Variants in CASQ1 observed in about 807,000 individuals in gnomAD.
The protein encoded by CASQ1 is calsequestrin-1.
In CASQ1, 40 loss-of-function variants were observed where a neutral mutation model predicts 49.5. The observed-to-expected ratio is 0.81, with a 90% confidence interval of 0.63 to 1.05. The LOEUF (loss-of-function observed/expected upper bound fraction) is 1.05. CASQ1 is among the 50% of genes least tolerant of loss of function. The probability of loss-of-function intolerance (pLI) is 0.00; values close to 1 mark genes in which losing one functional copy is unlikely to be tolerated. For missense variants in CASQ1, 469 were observed against 486.9 expected, an observed-to-expected ratio of 0.96 and a Z score of 0.35; for synonymous variants, 174 against 187.2, an observed-to-expected ratio of 0.93 and a Z score of 0.58.
chr1:160,199,141 C>T, intron 9 of CASQ1, 88 bp downstream of exon 9: 1 of 873,088 alleles, frequency 1.1e-6, no homozygotes, highest in Non-Finnish European at 2.0e-6. Context: ...TCAGAGGTCC[C>T]ATCCCCACCT....
intron 3 of CASQ1, among the ~76,000 whole-genome samples, chr1:160,194,129 C>T (rs1654146560): frequency 6.6e-6 from 1 of 150,960 alleles, no homozygotes; most frequent in South Asian, 2.1e-4. Flanking sequence ...ACACACACTA[C>T]ACACACCACA....
intron 1 of CASQ1, 99 bp downstream of exon 1, chr1:160,191,129 G>C: frequency 7.7e-7 from 1 of 1,291,526 alleles, no homozygotes; most frequent in Non-Finnish European, 1.1e-6. Flanking sequence ...GGATCTGGGG[G>C]TGAGGGGCAG....
chr1:160,200,373 A>C (rs1654340515), intron 10 of CASQ1, among the ~76,000 whole-genome samples: 1 of 152,198 alleles, frequency 6.6e-6, no homozygotes, highest in South Asian at 2.1e-4. Context: ...CTCTGCTTTC[A>C]TAGAATTCTC....
intron 4 of CASQ1, 66 bp downstream of exon 4, chr1:160,195,189 C>A: frequency 1.0e-6 from 1 of 982,558 alleles, no homozygotes; most frequent in Non-Finnish European, 1.6e-6. Flanking sequence ...CTCCCACCTC[C>A]CCACATCACC....
chr1:160,193,785 G>A lies in CASQ1; in HGVS notation c.403G>A (p.Asp135Asn), dbSNP rs765323283. 6.2e-7 allele frequency: 1 copy of A among 1,612,922 alleles called. No homozygotes were observed. The highest frequency in any genetic ancestry group is 8.5e-7 in the Non-Finnish European group (1 of 1,179,220). The change falls in exon 3 of 11, where the codon GAT becomes AAT. Residue 135 changes from aspartate to asparagine, a missense_variant. Transcript: ENST00000368078. Reference sequence around the variant, plus strand: ...GGACAGCATGTATGTATTCAAGGGAGATGAAGTCATTGAGTACGATGGCGA... The same window carrying A: ...GGACAGCATGTATGTATTCAAGGGAAATGAAGTCATTGAGTACGATGGCGA... Reference protein sequence around the residue: ...EVDSMYVFKGDEVIEYDGEFS... With the variant: ...EVDSMYVFKGNEVIEYDGEFS...
chr1:160,193,714 C>A, intron 2 of CASQ1, 33 bp from the exon 3 acceptor site: 1 of 1,229,566 alleles, frequency 8.1e-7, no homozygotes, highest in Non-Finnish European at 1.2e-6. Flanking sequence ...TCATGGCTCA[C>A]TACCCCACCC....
At position 160,197,615 on chromosome 1, in the gene CASQ1, G is replaced by A. The variant is rs761837270; in HGVS notation, c.828+1G>A. The stretch of plus-strand genomic sequence containing the variant: ...GCCGGAGAGTATGTATGAGACCTGG[G>A]TGAGTGCCCCTGGCCAGGGTCAAGC... On this transcript the variant is annotated splice_donor_variant, in intron 7 of 10. Coordinates refer to ENST00000368078, the MANE Select transcript of CASQ1 (RefSeq NM_001231.5). LOFTEE classifies it high-confidence loss of function. The A allele has an allele frequency of 1.7e-5, 28 of 1,607,216 alleles. No individual in the cohort carries two copies. The highest frequency in any genetic ancestry group is 1.6e-4 in the Middle Eastern group (1 of 6,078).
At chr1:160,197,902 C>T (rs1256449363) in intron 7 of CASQ1, among the ~76,000 whole-genome samples, 1 of 152,086 alleles carries the variant, frequency 6.6e-6, no homozygotes, top group African/African-American at 2.4e-5. Context: ...GCCTGTAGTC[C>T]CAGCTACTTG....
chr1:160,193,730 C>T lies in CASQ1; in HGVS notation c.365-17C>T. On this transcript the variant is annotated splice_polypyrimidine_tract_variant and intron_variant, in intron 2 of 10. Transcript: ENST00000368078. ...CATGGCTCACTACCCCACCCCTGCGCCCGGCTCACTCCCTAGGCCTAACTG... is the reference window on the plus strand; with the variant it reads ...CATGGCTCACTACCCCACCCCTGCGTCCGGCTCACTCCCTAGGCCTAACTG... 6.8e-7 allele frequency: 1 copy of T among 1,468,136 alleles called. No homozygotes were observed. Among genetic ancestry groups the T allele is most frequent in the East Asian group, 2.3e-5 (1 of 42,700 alleles). 90.9% of individuals were successfully genotyped at this position (1,468,136 alleles called of 1,614,324 possible). A position where few individuals can be genotyped will look rare whatever the true frequency, so the allele number is the denominator to read the frequency against.
intron 1 of CASQ1, among the ~76,000 whole-genome samples, chr1:160,192,246 G>T (rs1157141342): frequency 6.6e-6 from 1 of 152,102 alleles, no homozygotes; most frequent in Non-Finnish European, 1.5e-5. Context: ...CTCTCCCTCT[G>T]GGGGGTAACA....
At chr1:160,197,297 A>G (rs958801452) in intron 6 of CASQ1, among the ~76,000 whole-genome samples, 6 of 152,254 alleles carry the variant, frequency 3.9e-5, no homozygotes, top group African/African-American at 1.4e-4. Context: ...GAATGAATGA[A>G]TAAATTAATG....
At chr1:160,198,813 G>A (rs1654303064) in intron 8 of CASQ1, 82 bp downstream of exon 8, 1 of 1,355,070 alleles carries the variant, frequency 7.4e-7, no homozygotes, top group South Asian at 1.2e-5. Flanking sequence ...CTCACTAGGA[G>A]GCTTTCCTGG....
Position 160,194,993 on chromosome 1 carries a change from C to T in CASQ1, c.466-19C>T. On this transcript the variant is annotated intron_variant, in intron 3 of 10. Transcript: ENST00000368078. Reference sequence around the variant, plus strand: ...CTTGAGGATAGAAACTCTCTTCCTGCAATGTCCTCCTCTTTCAGGTCCTAG... The same window carrying T: ...CTTGAGGATAGAAACTCTCTTCCTGTAATGTCCTCCTCTTTCAGGTCCTAG... 6.8e-7 allele frequency: 1 copy of T among 1,472,822 alleles called. No homozygotes were observed. The highest frequency in any genetic ancestry group is 9.4e-7 in the Non-Finnish European group (1 of 1,069,058). 91.2% of individuals were successfully genotyped at this position (1,472,822 alleles called of 1,614,324 possible).
chr1:160,194,364 C>A (rs999175500), intron 3 of CASQ1, among the ~76,000 whole-genome samples: 3 of 149,074 alleles, frequency 2.0e-5, no homozygotes, highest in African/African-American at 7.4e-5. Context: ...ACACATATGC[C>A]ACACATGCAC....
intron 10 of CASQ1, 89 bp from the exon 11 acceptor site, chr1:160,201,156 G>A: frequency 7.5e-7 from 1 of 1,338,266 alleles, no homozygotes; most frequent in Non-Finnish European, 1.0e-6. Flanking sequence ...AGAATGTAGG[G>A]AAGGATGTAC....
intron 3 of CASQ1, 98 bp from the exon 4 acceptor site, chr1:160,194,914 G>A: frequency 2.9e-6 from 2 of 690,994 alleles, no homozygotes; most frequent in Non-Finnish European, 5.0e-6. Context: ...TCAACATCTA[G>A]CCCCCTCCTC....
intron 3 of CASQ1, among the ~76,000 whole-genome samples, chr1:160,194,469 C>T (rs1315690766): frequency 9.3e-5 from 1 of 10,724 alleles, no homozygotes; most frequent in Non-Finnish European, 2.9e-3. Context: ...CCCATCCATA[C>T]ACACCACACA....
chr1:160,190,655 T>A lies in CASQ1; in HGVS notation c.-97T>A. On this transcript the variant is annotated 5_prime_UTR_variant, in exon 1 of 11. It adds an upstream start codon to the 5' untranslated region. Transcript: ENST00000368078. ...GCCATTCCCCAATCCCCCCTCCCAC[T>A]TGAGCCCCTAACTCAGAATCTGGGA... 8.6e-7 allele frequency: 1 copy of A among 1,161,510 alleles called. No individual in the cohort carries two copies. The highest frequency in any genetic ancestry group is 1.2e-6 in the Non-Finnish European group (1 of 821,712). The allele number at this position is 1,161,510 out of a possible 1,614,324, so 72.0% of individuals were successfully genotyped here. A position where few individuals can be genotyped will look rare whatever the true frequency, so the allele number is the denominator to read the frequency against.
chr1:160,198,748 G>C lies in CASQ1; in HGVS notation c.883+17G>C. The C allele has an allele frequency of 6.2e-7, 1 of 1,609,568 alleles. No individual in the cohort carries two copies. Among genetic ancestry groups the C allele is most frequent in the Non-Finnish European group, 8.5e-7 (1 of 1,175,900 alleles). On this transcript the variant is annotated intron_variant, in intron 8 of 10. Coordinates refer to ENST00000368078, the MANE Select transcript of CASQ1 (RefSeq NM_001231.5). ...CTGATCCTGGTGAGGGAGGAATACC[G>C]GGTTGGACTGGAGGGAAGGCAGGGG...
Sources: gnomAD v4.1 joint callset for allele counts (sites outside exome capture counted in the v4.1 genomes callset) on GRCh38, gnomAD v4.1.1 for gene constraint, MANE v1.5 for transcripts, NCBI Gene and HGNC (gene_info 2026-07-23, HGNC 2026-07-21) for gene names.